Variants in PYCARD observed in about 807,000 individuals in gnomAD.
PYCARD encodes apoptosis-associated speck-like protein containing a CARD.
A neutral mutation model predicts 10.0 loss-of-function variants in PYCARD; 10 were observed. That is an observed-to-expected ratio of 1.00 (90% CI 0.62 to 1.69). PYCARD has a LOEUF of 1.69. Among genes scored for constraint, PYCARD ranks in the 40% most tolerant of loss-of-function variants. The probability of loss-of-function intolerance (pLI) is 0.00; values close to 1 mark genes in which losing one functional copy is unlikely to be tolerated. For missense variants in PYCARD, 239 were observed against 260.2 expected, an observed-to-expected ratio of 0.92 and a Z score of 0.56; for synonymous variants, 121 against 122.3, an observed-to-expected ratio of 0.99 and a Z score of 0.07.
rs1179616727 is a variant in PYCARD, at chr16:31,201,834, G to A, written c.339C>T (p.His113=). The A allele has an allele frequency of 6.2e-7, 1 of 1,613,938 alleles. No individual in the cohort carries two copies. Among genetic ancestry groups the A allele is most frequent in the Non-Finnish European group, 8.5e-7 (1 of 1,179,984 alleles). Residue 113 remains histidine, a synonymous_variant, in exon 3 of 3, where the codon CAC becomes CAT. Transcript: ENST00000247470. The part of the protein sequence containing the change: ...PPQSAAKPGL[H]FIDQHRAALI... The stretch of plus-strand genomic sequence containing the variant: ...GCGCAGCCCGGTGCTGGTCTATAAA[G>A]TGCAGGCCTGGGGGTGGGAGGAGAA...
chr16:31,201,873 C>T, intron 2 of PYCARD, 32 bp from the exon 3 acceptor site: 1 of 1,609,190 alleles, frequency 6.2e-7, no homozygotes, highest in Non-Finnish European at 8.5e-7. Context: ...GAGCCAGCAG[C>T]CAGGGTGTGG....
At position 31,202,371 on chromosome 16, in the gene PYCARD, TGGGTGGAGGGGAAAGACG is replaced by T. The variant is rs1211796093; in HGVS notation, c.274+28_274+45del. ...AGAGCCCGCGGGGTAAGCGCTGGTG[TGGGTGGAGGGGAAAGACG>T]GGGTGGAGGGGAACGGGGGCGGCTC... On this transcript the variant is annotated intron_variant, in intron 1 of 2. Transcript: ENST00000247470. The surrounding 1 kb of genome is among the most constrained non-coding windows in gnomAD (Gnocchi z 4.5). 5.9e-6 allele frequency: 8 copies of T among 1,359,812 alleles called. No homozygotes were observed. Among genetic ancestry groups the T allele is most frequent in the Non-Finnish European group, 6.8e-6 (7 of 1,029,404 alleles). 84.2% of individuals were successfully genotyped at this position (1,359,812 alleles called of 1,614,324 possible). A position where few individuals can be genotyped will look rare whatever the true frequency, so the allele number is the denominator to read the frequency against.
At chr16:31,201,975 A>G (rs2079446090) in intron 2 of PYCARD, 134 bp from the exon 3 acceptor site, 3 of 1,455,238 alleles carry the variant, frequency 2.1e-6, no homozygotes, top group Non-Finnish European at 2.8e-6. Flanking sequence ...CCCCACATGC[A>G]GTGGGATGAG....
rs191545207 is a variant in PYCARD, at chr16:31,201,722, C to T, written c.451G>A (p.Ala151Thr). 6 of 1,614,138 alleles carry T rather than the reference C, an allele frequency of 3.7e-6. No homozygotes were observed. The highest frequency in any genetic ancestry group is 2.2e-5 in the East Asian group (1 of 44,874). The change falls in exon 3 of 3, where the codon GCC becomes ACC. Residue 151 changes from alanine to threonine, a missense_variant. Coordinates refer to ENST00000247470, the MANE Select transcript of PYCARD (RefSeq NM_013258.5). ...LTDEQYQAVR[A>T]EPTNPSKMRK... ...ATCTTGCTTGGGTTGGTGGGCTCGG[C>T]CCGCACTGCCTGGTACTGCTCATCC...
rs1362203501 is a variant in PYCARD at position 31,202,266 on chromosome 16, G to A, written c.275-63C>T. 4 of 1,580,112 alleles carry A rather than the reference G, an allele frequency of 2.5e-6. No individual in the cohort carries two copies. The highest frequency in any genetic ancestry group is 2.7e-5 in the African/African-American group (2 of 74,654). On this transcript the variant is annotated intron_variant, in intron 1 of 2. Transcript: ENST00000247470. The surrounding 1 kb of genome is among the most constrained non-coding windows in gnomAD (Gnocchi z 4.5). ...CTTCCCGCCGTGGGGCCGGGGTCCC[G>A]TTGGTCGGTAGGCCAAGCGTGGGGA...
In PYCARD at chr16:31,202,684, G is replaced by A. The variant is rs1386704738; in HGVS notation, c.7C>T (p.Arg3Cys). The A allele has an allele frequency of 1.9e-6, 3 of 1,572,454 alleles. No homozygotes were observed. Among genetic ancestry groups the A allele is most frequent in the Non-Finnish European group, 2.6e-6 (3 of 1,157,508 alleles). The change falls in exon 1 of 3, where the codon CGC (arginine) becomes TGC (cysteine). Residue 3 changes from arginine (R) to cysteine (C), a missense_variant. Transcript: ENST00000247470. This position sits in a 1 kb window ranked among gnomAD's most constrained non-coding sequence, Gnocchi z 4.5. MG[R>C]ARDAILDALE... ...GCATCCAGGATGGCGTCGCGCGCGC[G>A]CCCCATGGCTCCAGGATCCCCGGCC...
At chr16:31,201,906 G>A (rs2144171923) in intron 2 of PYCARD, 65 bp from the exon 3 acceptor site, 2 of 1,592,374 alleles carry the variant, frequency 1.3e-6, no homozygotes, top group South Asian at 1.1e-5. Flanking sequence ...CTGAACTTGA[G>A]TTCTTCAGGA....
chr16:31,201,592 CG>C lies in PYCARD; in HGVS notation c.580del (p.Arg194GlyfsTer?). ...TGTTGCTGGGAAGGAGCCTCAGCTC[CG>C]CTCCAGGTCCTCCACCAGGTAGGAC... ...SQSYLVEDLE[R>X]S On this transcript the variant is annotated frameshift_variant, in exon 3 of 3. Transcript: ENST00000247470. LOFTEE classifies it high-confidence loss of function. The C allele has an allele frequency of 2.5e-6, 4 of 1,612,580 alleles. No homozygotes were observed. The highest frequency in any genetic ancestry group is 3.4e-6 in the Non-Finnish European group (4 of 1,178,858).
At position 31,202,294 on chromosome 16, in the gene PYCARD, C is replaced by T. The variant is rs1218024424; in HGVS notation, c.275-91G>A. 11 of 1,553,030 alleles carry T rather than the reference C, an allele frequency of 7.1e-6. No individual in the cohort carries two copies. Among genetic ancestry groups the T allele is most frequent in the Non-Finnish European group, 8.7e-6 (10 of 1,155,530 alleles). Reference sequence around the variant, plus strand: ...GGTCGGTAGGCCAAGCGTGGGGAGCCTCCTTTCCGGTAGAGCAGCTTTGTT... The same window carrying T: ...GGTCGGTAGGCCAAGCGTGGGGAGCTTCCTTTCCGGTAGAGCAGCTTTGTT... On this transcript the variant is annotated intron_variant, in intron 1 of 2. Coordinates refer to ENST00000247470, the MANE Select transcript of PYCARD (RefSeq NM_013258.5). This position sits in a 1 kb window ranked among gnomAD's most constrained non-coding sequence, Gnocchi z 4.5.
At position 31,202,531 on chromosome 16, in the gene PYCARD, C is replaced by T. The variant is rs757567470; in HGVS notation, c.160G>A (p.Asp54Asn). The change falls in exon 1 of 3, where the codon GAC (aspartate) becomes AAC (asparagine). Residue 54 changes from aspartate (D) to asparagine (N), a missense_variant. By Grantham distance (23) the Asp-to-Asn change is conservative. Transcript: ENST00000247470. The surrounding 1 kb of genome is among the most constrained non-coding windows in gnomAD (Gnocchi z 4.5). The stretch of plus-strand genomic sequence containing the variant: ...TCCAGGTAGAAGCTGACCAGCTTGT[C>T]GGTGAGGTCCAAGGCGTCCATGGAC... ...LLSMDALDLTDKLVSFYLETY... is the reference protein window; with the variant it reads ...LLSMDALDLTNKLVSFYLETY... 1.2e-6 allele frequency: 2 copies of T among 1,611,792 alleles called. No homozygotes were observed. Among genetic ancestry groups the T allele is most frequent in the Non-Finnish European group, 1.7e-6 (2 of 1,179,490 alleles).
chr16:31,201,807 A>G lies in PYCARD; in HGVS notation c.366T>C (p.Leu122=). The change falls in exon 3 of 3, where the codon CTT becomes CTC. Residue 122 remains leucine (L), a synonymous_variant. Transcript: ENST00000247470. ...LHFIDQHRAA[L]IARVTNVEWL... ...ACTCAACGTTTGTGACCCTCGCGAT[A>G]AGCGCAGCCCGGTGCTGGTCTATAA... is the stretch of plus-strand genomic sequence containing the variant. 6.2e-7 allele frequency: 1 copy of G among 1,614,206 alleles called. No homozygotes were observed. The highest frequency in any genetic ancestry group is 8.5e-7 in the Non-Finnish European group (1 of 1,180,036).
chr16:31,202,013 G>A lies in PYCARD; in HGVS notation c.331+134C>T, dbSNP rs1397979669. ...TAATATTGTCTCCCTTCCCCCGCAGGGTGTGGGTTGGTGGGTGGGGTGCGC... is the reference window on the plus strand; with the variant it reads ...TAATATTGTCTCCCTTCCCCCGCAGAGTGTGGGTTGGTGGGTGGGGTGCGC... On this transcript the variant is annotated intron_variant, in intron 2 of 2. Coordinates refer to ENST00000247470, the MANE Select transcript of PYCARD (RefSeq NM_013258.5). This position sits in a 1 kb window ranked among gnomAD's most constrained non-coding sequence, Gnocchi z 4.5. 2.8e-6 allele frequency: 4 copies of A among 1,447,282 alleles called. No individual in the cohort carries two copies. Among genetic ancestry groups the A allele is most frequent in the Non-Finnish European group, 3.7e-6 (4 of 1,084,950 alleles). The allele number at this position is 1,447,282 out of a possible 1,614,324, so 89.7% of individuals were successfully genotyped here.
In PYCARD at chr16:31,201,690, C is replaced by T; in HGVS notation, c.483G>A (p.Lys161=). 6.2e-7 allele frequency: 1 copy of T among 1,614,208 alleles called. No individual in the cohort carries two copies. Among genetic ancestry groups the T allele is most frequent in the Non-Finnish European group, 8.5e-7 (1 of 1,180,042 alleles). Residue 161 remains lysine, a synonymous_variant, in exon 3 of 3, where the codon AAG becomes AAA. Coordinates refer to ENST00000247470, the MANE Select transcript of PYCARD (RefSeq NM_013258.5). The part of the protein sequence containing the change: ...AEPTNPSKMR[K]LFSFTPAWNW... ...TCCAGGCTGGTGTGAAACTGAAGAG[C>T]TTCCGCATCTTGCTTGGGTTGGTGG...
chr16:31,202,055 G>C lies in PYCARD; in HGVS notation c.331+92C>G. The C allele has an allele frequency of 6.6e-7, 1 of 1,510,528 alleles. No homozygotes were observed. The highest frequency in any genetic ancestry group is 8.9e-7 in the Non-Finnish European group (1 of 1,129,012). The allele number at this position is 1,510,528 out of a possible 1,614,324, so 93.6% of individuals were successfully genotyped here. ...GGGGTGCGCAGGGTTGCCAAGCCGT[G>C]CCTGCCCTGCCCTGCCCTGCCCTGG... is the stretch of plus-strand genomic sequence containing the variant. On this transcript the variant is annotated intron_variant, in intron 2 of 2. Transcript: ENST00000247470. The surrounding 1 kb of genome is among the most constrained non-coding windows in gnomAD (Gnocchi z 4.5).
At position 31,202,114 on chromosome 16, in the gene PYCARD, G is replaced by T; in HGVS notation, c.331+33C>A. ...GCACAGATGCAGGCTGTGCAGGAGT[G>T]CGGTGGGGCCGGGCTGGGTGTGGAG... On this transcript the variant is annotated intron_variant, in intron 2 of 2. Transcript: ENST00000247470. The surrounding 1 kb of genome is among the most constrained non-coding windows in gnomAD (Gnocchi z 4.5). 1 of 1,599,440 alleles carries T rather than the reference G, an allele frequency of 6.3e-7. No homozygotes were observed. Among genetic ancestry groups the T allele is most frequent in the Non-Finnish European group, 8.5e-7 (1 of 1,175,636 alleles).
Position 31,202,380 on chromosome 16 carries a change from G to A in PYCARD, c.274+37C>T. The A allele has an allele frequency of 1.3e-6, 2 of 1,526,126 alleles. No individual in the cohort carries two copies. Among genetic ancestry groups the A allele is most frequent in the South Asian group, 1.2e-5 (1 of 82,888 alleles). The allele number at this position is 1,526,126 out of a possible 1,614,324, so 94.5% of individuals were successfully genotyped here. On this transcript the variant is annotated intron_variant, in intron 1 of 2. Coordinates refer to ENST00000247470, the MANE Select transcript of PYCARD (RefSeq NM_013258.5). This position sits in a 1 kb window ranked among gnomAD's most constrained non-coding sequence, Gnocchi z 4.5. ...GGGGTAAGCGCTGGTGTGGGTGGAG[G>A]GGAAAGACGGGGTGGAGGGGAACGG...
chr16:31,202,589 C>G lies in PYCARD; in HGVS notation c.102G>C (p.Glu34Asp). 1 of 1,613,064 alleles carries G rather than the reference C, an allele frequency of 6.2e-7. No individual in the cohort carries two copies. The highest frequency in any genetic ancestry group is 8.5e-7 in the Non-Finnish European group (1 of 1,179,742). ...KLKLLSVPLR[E>D]GYGRIPRGAL... ...CGCCCCGCGGGATGCGCCCGTAGCC[C>G]TCGCGCAGCGGCACCGACAGCAGCT... Residue 34 changes from glutamate (E) to aspartate (D), a missense_variant, in exon 1 of 3, where the codon GAG (glutamate) becomes GAC (aspartate). Glu to Asp is a conservative substitution (Grantham distance 45, BLOSUM62 2). Transcript: ENST00000247470. This position sits in a 1 kb window ranked among gnomAD's most constrained non-coding sequence, Gnocchi z 4.5.
rs934514682 is a variant in PYCARD at position 31,202,183 on chromosome 16, C to T, written c.295G>A (p.Gly99Arg). The T allele has an allele frequency of 6.2e-7, 1 of 1,606,062 alleles. No individual in the cohort carries two copies. Among genetic ancestry groups the T allele is most frequent in the Non-Finnish European group, 8.5e-7 (1 of 1,179,800 alleles). ...GCCGACTGAGGAGGGGCCTGGATCC[C>T]AGCTGGCGCGGCTCCAGAGCCTGGA... Reference protein sequence around the residue: ...THQGSGAAPAGIQAPPQSAAK... With the variant: ...THQGSGAAPARIQAPPQSAAK... Residue 99 changes from glycine to arginine, a missense_variant, in exon 2 of 3, where the codon GGG becomes AGG. Transcript: ENST00000247470. This position sits in a 1 kb window ranked among gnomAD's most constrained non-coding sequence, Gnocchi z 4.5.
Position 31,202,512 on chromosome 16 carries a change from T to C in PYCARD, c.179A>G (p.Tyr60Cys). Residue 60 changes from tyrosine to cysteine, a missense_variant, in exon 1 of 3, where the codon TAC (tyrosine) becomes TGC (cysteine). By Grantham distance (194) the Tyr-to-Cys change is radical. Transcript: ENST00000247470. This position sits in a 1 kb window ranked among gnomAD's most constrained non-coding sequence, Gnocchi z 4.5. ...LDLTDKLVSF[Y>C]LETYGAELTA... ...GAGCTCGGCGCCGTAGGTCTCCAGG[T>C]AGAAGCTGACCAGCTTGTCGGTGAG... 6.2e-7 allele frequency: 1 copy of C among 1,609,568 alleles called. No homozygotes were observed. The highest frequency in any genetic ancestry group is 8.5e-7 in the Non-Finnish European group (1 of 1,178,610).
Sources: allele counts gnomAD v4.1 joint callset, GRCh38; gene constraint gnomAD v4.1.1; non-coding constraint Gnocchi (gnomAD v3.1); transcripts MANE v1.5; gene names NCBI Gene and HGNC (gene_info 2026-07-23, HGNC 2026-07-21).